RASSF4: variants seen among roughly 807,000 people sequenced by gnomAD.
The protein encoded by RASSF4 is Ras association domain family member 4, also known as ras association domain-containing protein 4.
A neutral mutation model predicts 41.1 loss-of-function variants in RASSF4; 38 were observed. The observed-to-expected ratio is 0.92, with a 90% CI of 0.71 to 1.21. The LOEUF (loss-of-function observed/expected upper bound fraction) is 1.21. Ranked by LOEUF, RASSF4 falls within the 50% of genes most tolerant of loss-of-function variation. RASSF4 has a pLI of 0.00. For missense variants in RASSF4, 414 were observed against 419.4 expected (o/e 0.99, Z 0.11); for synonymous variants, 179 against 163.4 (o/e 1.10, Z -0.73).
Position 44,994,684 on chromosome 10 carries a change from G to A in RASSF4, c.*1355G>A, listed in dbSNP as rs1588856597. On this transcript the variant is annotated 3_prime_UTR_variant, in exon 11 of 11. Transcript: ENST00000340258. Reference sequence around the variant, plus strand: ...CCTCTGGCAGCATAGATCCTTAGGTGCTCAATAAAGGTGTGCTGTATTGAA... The same window carrying A: ...CCTCTGGCAGCATAGATCCTTAGGTACTCAATAAAGGTGTGCTGTATTGAA... 3 of 151,554 alleles carry A rather than the reference G, an allele frequency of 2.0e-5. No individual in the cohort carries two copies. The South Asian group carries it at 6.3e-4, about 32-fold the overall frequency. The allele number at this position is 151,554 out of a possible 1,614,324, so 9.4% of individuals were successfully genotyped here. A position where few individuals can be genotyped will look rare whatever the true frequency, so the allele number is the denominator to read the frequency against.
chr10:44,962,563 G>A (rs564071808), intron 1 of RASSF4, among the ~76,000 whole-genome samples: 6 of 152,214 alleles, frequency 3.9e-5, no homozygotes, highest in African/African-American at 1.4e-4. Flanking sequence ...GAGGGCAGCC[G>A]TAGAGAGCCT....
At chr10:44,982,084 G>A (rs530830337) in intron 3 of RASSF4, 190 of 240,742 alleles carry the variant, frequency 7.9e-4, no homozygotes, top group African/African-American at 3.4e-3. Flanking sequence ...TTCTCCTCTG[G>A]TGGGTGTGGG....
intron 1 of RASSF4, among the ~76,000 whole-genome samples, chr10:44,969,820 G>A (rs950882689): frequency 4.6e-5 from 7 of 152,256 alleles, no homozygotes; most frequent in African/African-American, 1.7e-4. Context: ...GAGCAACCGA[G>A]GCAGAAGCCA....
chr10:44,992,061 C>A, intron 10 of RASSF4, 59 bp downstream of exon 10: 1 of 1,149,428 alleles, frequency 8.7e-7, no homozygotes, highest in Non-Finnish European at 1.3e-6. Context: ...GTCTGCAAAG[C>A]ACAGCACCAG....
chr10:44,973,703 C>T lies in RASSF4; in HGVS notation c.138+1855C>T, dbSNP rs72780670. Among the ~76,000 whole-genome samples, 992 of 152,312 alleles carry T rather than the reference C, an allele frequency of 6.5e-3. 5 individuals carry two copies. Among genetic ancestry groups the T allele is most frequent in the Middle Eastern group, 0.017 (5 of 294 alleles). ...CTTAGTTTTGGCACTCGGGATTCCC[C>T]AAGATAATCCCCTCTGTAGGAACAG... On this transcript the variant is annotated intron_variant, in intron 3 of 10. Transcript: ENST00000340258.
At chr10:44,971,565 G>GA in intron 2 of RASSF4, 1 of 680,100 alleles carries the variant, frequency 1.5e-6, no homozygotes, top group Non-Finnish European at 2.7e-6. Context: ...TCCTCAGCCC[G>GA]ACCCCCATGC....
In RASSF4 at chr10:44,982,736, G is replaced by A. The variant is rs1179541419; in HGVS notation, c.281+73G>A. ...GGTTGGGGATATCCCGAGCCTCAGG[G>A]TGGGAGCCCTGTTCCCTTATGGGAC... On this transcript the variant is annotated intron_variant, in intron 4 of 10. Transcript: ENST00000340258. 6 of 1,520,636 alleles carry A rather than the reference G, an allele frequency of 3.9e-6. No individual in the cohort carries two copies. In the African/African-American group the frequency reaches 7.0e-5, roughly 18 times the overall value. 94.2% of individuals were successfully genotyped at this position (1,520,636 alleles called of 1,614,324 possible). A position where few individuals can be genotyped will look rare whatever the true frequency, so the allele number is the denominator to read the frequency against.
rs78599709 is a variant in RASSF4 at position 44,993,254 on chromosome 10, G to C, written c.906-15G>C. On this transcript the variant is annotated splice_polypyrimidine_tract_variant and intron_variant, in intron 10 of 10. Transcript: ENST00000340258. Reference sequence around the variant, plus strand: ...TCTGGCCTCAGTGAGTCCTCTTGGCGATGTCTCCCTCCAGGTTCCAAGCCC... The same window carrying C: ...TCTGGCCTCAGTGAGTCCTCTTGGCCATGTCTCCCTCCAGGTTCCAAGCCC... 6.2e-7 allele frequency: 1 copy of C among 1,609,494 alleles called. No homozygotes were observed. Among genetic ancestry groups the C allele is most frequent in the Admixed American group, 1.7e-5 (1 of 59,996 alleles).
chr10:44,975,024 G>A (rs912234716), intron 3 of RASSF4, among the ~76,000 whole-genome samples: 41 of 152,088 alleles, frequency 2.7e-4, no homozygotes, highest in African/African-American at 9.7e-4. Context: ...CATGGCTCTG[G>A]ACAAGCAAGT....
At chr10:44,968,974 G>A (rs960983067) in intron 1 of RASSF4, among the ~76,000 whole-genome samples, 3 of 151,992 alleles carry the variant, frequency 2.0e-5, no homozygotes, top group African/African-American at 7.3e-5. Context: ...GTGAGTGTGT[G>A]TCTGTGAGAT....
chr10:44,973,734 G>A (rs533633919), intron 3 of RASSF4, among the ~76,000 whole-genome samples: 15 of 152,186 alleles, frequency 9.9e-5, no homozygotes, highest in African/African-American at 2.7e-4. Context: ...AACAGTTGTC[G>A]GGGGCAGGGG....
At chr10:44,965,048 C>T (rs1383693196) in intron 1 of RASSF4, among the ~76,000 whole-genome samples, 2 of 152,190 alleles carry the variant, frequency 1.3e-5, no homozygotes, top group African/African-American at 4.8e-5. Context: ...AGGCTCTTGG[C>T]CCCTTAAAGT....
At chr10:44,989,463 G>C (rs990962453) in intron 7 of RASSF4, 88 bp downstream of exon 7, 2 of 1,039,052 alleles carry the variant, frequency 1.9e-6, no homozygotes, top group Non-Finnish European at 2.9e-6. Context: ...GCTGCCCGTG[G>C]CAGAAGCTGC....
chr10:44,991,106 G>A, intron 9 of RASSF4, 37 bp downstream of exon 9: 1 of 1,586,462 alleles, frequency 6.3e-7, no homozygotes, highest in South Asian at 1.1e-5. Flanking sequence ...CCTGCTCTAG[G>A]GTGAGGGGTT....
chr10:44,984,472 CT>C, intron 5 of RASSF4: 2 of 486,586 alleles, frequency 4.1e-6, no homozygotes. Flanking sequence ...CTCACTCATC[CT>C]TTTTATTCCC....
At chr10:44,982,371 C>G in intron 3 of RASSF4, 150 bp from the exon 4 acceptor site, 1 of 932,980 alleles carries the variant, frequency 1.1e-6, no homozygotes, top group Non-Finnish European at 1.7e-6. Context: ...CCCCAGGGCA[C>G]GTAGTGGCTG....
At chr10:44,989,861 T>C in intron 8 of RASSF4, 140 bp downstream of exon 8, 1 of 741,142 alleles carries the variant, frequency 1.3e-6, no homozygotes, top group Admixed American at 2.0e-5. Context: ...GGGCACACTG[T>C]GCCTCCCAGC....
chr10:44,977,504 C>T, intron 3 of RASSF4: 1 of 1,613,356 alleles, frequency 6.2e-7, no homozygotes, highest in Non-Finnish European at 8.5e-7. Flanking sequence ...AGTCCAGCTT[C>T]TTAGGTCAGA....
intron 3 of RASSF4, among the ~76,000 whole-genome samples, chr10:44,972,256 G>A (rs1841205727): frequency 6.6e-6 from 1 of 152,176 alleles, no homozygotes; most frequent in African/African-American, 2.4e-5. Flanking sequence ...TATCTGCAGG[G>A]TCTCACCTGT....
Sources: gnomAD v4.1 joint callset for allele counts (sites outside exome capture counted in the v4.1 genomes callset) on GRCh38, gnomAD v4.1.1 for gene constraint, MANE v1.5 for transcripts, NCBI Gene and HGNC (gene_info 2026-07-23, HGNC 2026-07-21) for gene names.